The following SNX13 variants were observed in gnomAD, a reference collection of about 807,000 sequenced individuals.
SNX13 encodes sorting nexin 13, also known as sorting nexin-13.
SNX13 carries 45 observed loss-of-function variants against 133.6 expected under a neutral mutation model. That is an observed-to-expected ratio of 0.34 (90% CI 0.27 to 0.43). The LOEUF is 0.43. SNX13 is among the 20% of genes least tolerant of loss of function. The pLI is 1.00. For synonymous variants in SNX13, 414 were observed against 373.9 expected, an observed-to-expected ratio of 1.11 and a Z score of -1.24; for missense variants, 1,032 against 1,145.1, an observed-to-expected ratio of 0.90 and a Z score of 1.43.
chr7:17,839,737 A>T (rs1206889120), intron 13 of SNX13, 70 bp downstream of exon 13: 2 of 1,286,580 alleles, frequency 1.6e-6, no homozygotes, highest in African/African-American at 1.5e-5. Flanking sequence ...AGCCTGGCAT[A>T]AGCAATGGAT....
intron 11 of SNX13, 55 bp downstream of exon 11, chr7:17,850,292 A>G: frequency 8.6e-7 from 1 of 1,162,952 alleles, no homozygotes. Context: ...TGCATTTTTA[A>G]TCCCTATAGT....
At chr7:17,903,084 C>A (rs1423699912) in intron 1 of SNX13, among the ~76,000 whole-genome samples, 2 of 152,186 alleles carry the variant, frequency 1.3e-5, no homozygotes, top group African/African-American at 4.8e-5. Context: ...GTACCATTTT[C>A]TTTGCTAAAT....
chr7:17,807,195 T>G (rs955647242), intron 20 of SNX13, among the ~76,000 whole-genome samples: 3 of 152,000 alleles, frequency 2.0e-5, no homozygotes, highest in Non-Finnish European at 4.4e-5. Flanking sequence ...CAGCAAGCTA[T>G]AAGATCCACT....
At chr7:17,828,213 G>C (rs775124133) in intron 16 of SNX13, among the ~76,000 whole-genome samples, 6 of 151,304 alleles carry the variant, frequency 4.0e-5, no homozygotes, top group Non-Finnish European at 8.9e-5. Context: ...AATATCAAGT[G>C]GACTATAAAG....
intron 5 of SNX13, chr7:17,888,630 A>G: frequency 2.2e-6 from 1 of 464,608 alleles, no homozygotes; most frequent in Non-Finnish European, 4.4e-6. Context: ...AAATTTCTAA[A>G]TTCCTTCACA....
chr7:17,831,504 C>G (rs1311609420), intron 15 of SNX13: 1 of 984,052 alleles, frequency 1.0e-6, no homozygotes, highest in East Asian at 1.1e-4. Flanking sequence ...AGCCAACCAG[C>G]TAATTCTCTA....
chr7:17,885,386 G>A (rs1018657017), intron 5 of SNX13, among the ~76,000 whole-genome samples: 5 of 151,578 alleles, frequency 3.3e-5, no homozygotes, highest in Admixed American at 6.6e-5. Context: ...AGGTTTCTTT[G>A]TGAAGTCATT....
chr7:17,928,932 A>C (rs907672233), intron 1 of SNX13, among the ~76,000 whole-genome samples: 2 of 152,210 alleles, frequency 1.3e-5, no homozygotes, highest in Non-Finnish European at 2.9e-5. Flanking sequence ...TGCTCATGAA[A>C]AAAGTATATA....
chr7:17,849,460 G>T (rs1435226791), intron 11 of SNX13, among the ~76,000 whole-genome samples: 1 of 152,034 alleles, frequency 6.6e-6, no homozygotes, highest in Non-Finnish European at 1.5e-5. Context: ...CACACTTTGT[G>T]TCTATTCTCC....
At chr7:17,805,254 T>TGCGCGCGCGCGCGCGCGCGCGCGC (rs56000068) in intron 20 of SNX13, among the ~76,000 whole-genome samples, 5 of 132,438 alleles carry the variant, frequency 3.8e-5, no homozygotes, top group Admixed American at 7.6e-5. Context: ...TGTGTGTGCG[T>TGCGCGCGCGCGCGCGCGCGCGCGC]GCGCGCGCGC....
intron 18 of SNX13, among the ~76,000 whole-genome samples, chr7:17,820,469 C>T (rs1278670964): frequency 6.6e-6 from 1 of 152,076 alleles, no homozygotes; most frequent in Non-Finnish European, 1.5e-5. Context: ...TTATATTTGA[C>T]ACCAGAAGAA....
intron 12 of SNX13, among the ~76,000 whole-genome samples, chr7:17,841,787 A>C (rs1239487607): frequency 6.6e-6 from 1 of 152,112 alleles, no homozygotes; most frequent in Admixed American, 6.6e-5. Context: ...ATCTATGAAC[A>C]AAATGGAAAG....
At chr7:17,902,998 G>C (rs554925180) in intron 1 of SNX13, among the ~76,000 whole-genome samples, 1 of 152,130 alleles carries the variant, frequency 6.6e-6, no homozygotes, top group African/African-American at 2.4e-5. Context: ...CCACCTCGCA[G>C]GCCATGGAAA....
intron 14 of SNX13, 39 bp downstream of exon 14, chr7:17,834,722 C>A: frequency 7.4e-7 from 1 of 1,353,852 alleles, no homozygotes; most frequent in Non-Finnish European, 1.0e-6. Context: ...TATTTTTTCT[C>A]AAAAAAGATA....
intron 10 of SNX13, among the ~76,000 whole-genome samples, 170 bp downstream of exon 10, chr7:17,850,656 T>A: frequency 6.6e-6 from 1 of 152,338 alleles, no homozygotes. Flanking sequence ...ATTCTCACAT[T>A]CTGAAAATAA....
intron 9 of SNX13, among the ~76,000 whole-genome samples, chr7:17,867,814 C>G (rs1172213670): frequency 6.6e-6 from 1 of 151,806 alleles, no homozygotes; most frequent in Admixed American, 6.6e-5. Flanking sequence ...CAGAAGGTGG[C>G]CCATTTACAA....
At chr7:17,904,727 G>C (rs1798211479) in intron 1 of SNX13, among the ~76,000 whole-genome samples, 1 of 152,138 alleles carries the variant, frequency 6.6e-6, no homozygotes, top group Admixed American at 6.5e-5. Flanking sequence ...GCCAACTTGA[G>C]TCACAGAAAT....
intron 15 of SNX13, chr7:17,832,588 A>C (rs1788628156): frequency 1.8e-6 from 1 of 550,946 alleles, no homozygotes. Flanking sequence ...TGCTATTGCA[A>C]ATTTCATAGC....
chr7:17,877,787 T>G (rs903843833), intron 5 of SNX13, among the ~76,000 whole-genome samples: 1 of 152,030 alleles, frequency 6.6e-6, no homozygotes, highest in Non-Finnish European at 1.5e-5. Flanking sequence ...TACAGAAATA[T>G]GTTGAGGGTA....
Sources: allele counts gnomAD v4.1 joint callset (sites outside exome capture counted in the v4.1 genomes callset), GRCh38; gene constraint gnomAD v4.1.1; transcripts MANE v1.5; gene names NCBI Gene and HGNC (gene_info 2026-07-23, HGNC 2026-07-21).